SIK3: variants seen among roughly 807,000 people sequenced by gnomAD.
The protein encoded by SIK3 is SIK family kinase 3.
Under a neutral mutation model 144.2 loss-of-function variants are expected in SIK3, and 28 were observed. That is an observed-to-expected ratio of 0.19 (90% confidence interval 0.14 to 0.27). SIK3 has a LOEUF of 0.27. Ranked by LOEUF, SIK3 falls within the 10% of genes least tolerant of loss-of-function variation. SIK3 has a pLI of 1.00. For missense variants in SIK3, 1,319 were observed against 1,776.0 expected (o/e 0.74, Z 4.62); for synonymous variants, 686 against 676.3 (o/e 1.01, Z -0.22).
chr11:116,873,496 A>G lies in SIK3; in HGVS notation c.1722T>C (p.Leu574=). 6.2e-7 allele frequency: 1 copy of G among 1,614,124 alleles called. No homozygotes were observed. The highest frequency in any genetic ancestry group is 8.5e-7 in the Non-Finnish European group (1 of 1,180,006). Residue 574 remains leucine (L), a synonymous_variant, in exon 13 of 25, where the codon CTT becomes CTC. Transcript: ENST00000445177. Reference sequence around the variant, plus strand: ...TGCTACTCACTGGTGTCATGGTGACAAGCGGAGAGGGTCCCCGTGGGCGCT... The same window carrying G: ...TGCTACTCACTGGTGTCATGGTGACGAGCGGAGAGGGTCCCCGTGGGCGCT... The part of the protein sequence containing the change: ...LLKRPRGPSP[L]VTMTPAVPAV...
At chr11:116,853,827 T>C (rs189399695) in intron 21 of SIK3, among the ~76,000 whole-genome samples, 5 of 152,322 alleles carry the variant, frequency 3.3e-5, no homozygotes, top group Admixed American at 6.5e-5. Flanking sequence ...ATCAAGTGTG[T>C]GTACCACTAT....
At chr11:116,939,842 T>C (rs1364914293) in intron 3 of SIK3, among the ~76,000 whole-genome samples, 2 of 152,202 alleles carry the variant, frequency 1.3e-5, no homozygotes, top group Admixed American at 6.5e-5. Flanking sequence ...TAAATGTTTG[T>C]AGGGAAGAGA....
chr11:116,990,299 T>C (rs780797674), intron 1 of SIK3, among the ~76,000 whole-genome samples: 8 of 152,120 alleles, frequency 5.3e-5, no homozygotes, highest in Admixed American at 1.3e-4. Context: ...GCCAAGAGTG[T>C]CTAGACCTGA....
intron 1 of SIK3, among the ~76,000 whole-genome samples, chr11:116,993,886 G>A (rs940622410): frequency 6.6e-5 from 10 of 152,298 alleles, no homozygotes; most frequent in South Asian, 4.1e-4. Flanking sequence ...TGCCTTTTCC[G>A]AACTGTGTGG....
rs748587653 is a variant in SIK3 at position 116,858,105 on chromosome 11, T to A, written c.3360A>T (p.Ser1120=). Residue 1120 remains serine (S), a synonymous_variant, in exon 21 of 25, where the codon TCA becomes TCT. Coordinates refer to ENST00000445177, the MANE Select transcript of SIK3 (RefSeq NM_001366686.3). This position sits in a 1 kb window ranked among gnomAD's most constrained non-coding sequence, Gnocchi z 5.4. The stretch of plus-strand genomic sequence containing the variant: ...GGGGCGGGGTGGGTGAGGAAGCCTG[T>A]GAGACACATTCTTGTGCCCTGATTT... ...LLQIRAQECV[S]QASSPTPPHG... is the part of the protein sequence containing the mutation. 1.7e-5 allele frequency: 27 copies of A among 1,614,154 alleles called. No homozygotes were observed. Among genetic ancestry groups the A allele is most frequent in the Non-Finnish European group, 2.3e-5 (27 of 1,180,008 alleles).
intron 3 of SIK3, among the ~76,000 whole-genome samples, chr11:116,942,989 A>G (rs1948393822): frequency 6.6e-6 from 1 of 152,188 alleles, no homozygotes; most frequent in Non-Finnish European, 1.5e-5. Context: ...GATCTTAGCA[A>G]GACATGATGG....
chr11:117,023,609 C>A (rs148172352), intron 1 of SIK3, among the ~76,000 whole-genome samples: 4,825 of 50,640 alleles, frequency 0.095, 128 homozygotes, highest in Non-Finnish European at 0.12. Flanking sequence ...AACAAACAAA[C>A]AAAAAAAAAA....
intron 3 of SIK3, among the ~76,000 whole-genome samples, chr11:116,940,228 T>G (rs535803973): frequency 1.3e-5 from 2 of 149,618 alleles, no homozygotes; most frequent in East Asian, 3.9e-4. Flanking sequence ...TTAAGGTTTT[T>G]TTGTTTTTTT....
At chr11:116,995,982 CTTAA>C (rs551918874) in intron 1 of SIK3, among the ~76,000 whole-genome samples, 55 of 152,160 alleles carry the variant, frequency 3.6e-4, no homozygotes, top group Admixed American at 1.7e-3. Flanking sequence ...GAGACTTCAT[CTTAA>C]TTAATTAATT....
chr11:116,851,379 TTAAA>T (rs1325687907), intron 21 of SIK3, among the ~76,000 whole-genome samples: 2 of 152,206 alleles, frequency 1.3e-5, no homozygotes, highest in African/African-American at 4.8e-5. Flanking sequence ...AATGATCTAT[TTAAA>T]TAATGAAAGT....
chr11:116,943,348 A>C (rs949716977), intron 3 of SIK3, among the ~76,000 whole-genome samples: 1 of 152,228 alleles, frequency 6.6e-6, no homozygotes, highest in Non-Finnish European at 1.5e-5. Context: ...GAAGGGCAGC[A>C]GGGCTTTTAC....
At chr11:117,054,306 G>A (rs182254735) in intron 1 of SIK3, among the ~76,000 whole-genome samples, 104 of 152,300 alleles carry the variant, frequency 6.8e-4, no homozygotes, top group Non-Finnish European at 6.0e-4. Flanking sequence ...CAGGGACAAA[G>A]GTATGAGATT....
intron 1 of SIK3, among the ~76,000 whole-genome samples, chr11:116,962,747 A>G (rs1407392695): frequency 6.6e-6 from 1 of 152,174 alleles, no homozygotes; most frequent in Non-Finnish European, 1.5e-5. Context: ...AATGTAAAAT[A>G]TATACCAGAT....
At chr11:117,032,061 C>T (rs1952286243) in intron 1 of SIK3, among the ~76,000 whole-genome samples, 3 of 152,250 alleles carry the variant, frequency 2.0e-5, no homozygotes, top group African/African-American at 7.2e-5. Context: ...ACCAATATTA[C>T]ACAATCTTGA....
intron 1 of SIK3, among the ~76,000 whole-genome samples, chr11:117,010,989 G>A (rs534615097): frequency 5.9e-5 from 9 of 152,056 alleles, no homozygotes; most frequent in Admixed American, 2.0e-4. Context: ...GTGTGATGGC[G>A]CATGCCTGTA....
intron 1 of SIK3, among the ~76,000 whole-genome samples, chr11:117,095,302 T>G: frequency 6.6e-6 from 1 of 151,506 alleles, no homozygotes; most frequent in Non-Finnish European, 1.5e-5. Context: ...CTGAATTACC[T>G]CTGTCTGACT....
chr11:116,995,222 G>A (rs569379113), intron 1 of SIK3, among the ~76,000 whole-genome samples: 14 of 144,432 alleles, frequency 9.7e-5, no homozygotes, highest in South Asian at 2.4e-4. Context: ...AGCCAAGATC[G>A]CACCATTGCA....
At chr11:116,930,775 A>T (rs536865056) in intron 3 of SIK3, among the ~76,000 whole-genome samples, 1 of 99,716 alleles carries the variant, frequency 1.0e-5, no homozygotes, top group Non-Finnish European at 2.1e-5. Flanking sequence ...CCCCCTCCCC[A>T]CCCCCACCAA....
In SIK3 at chr11:116,954,121, A is replaced by AG. The variant is rs1398094865; in HGVS notation, c.391-15dup. ...TGTCTCCATAACCTGGTGCAAAGGC[A>AG]GGAAAGTGACAGACAGTGACACAAA... is the stretch of plus-strand genomic sequence containing the variant. On this transcript the variant is annotated splice_polypyrimidine_tract_variant and intron_variant, in intron 2 of 24. Transcript: ENST00000445177. 1 of 1,613,006 alleles carries AG rather than the reference A, an allele frequency of 6.2e-7. No homozygotes were observed. Among genetic ancestry groups the AG allele is most frequent in the Non-Finnish European group, 8.5e-7 (1 of 1,179,118 alleles).
Sources: gnomAD v4.1 joint callset for allele counts (sites outside exome capture counted in the v4.1 genomes callset) on GRCh38, gnomAD v4.1.1 for gene constraint, Gnocchi (gnomAD v3.1) non-coding constraint, MANE v1.5 for transcripts, NCBI Gene and HGNC (gene_info 2026-07-23, HGNC 2026-07-21) for gene names.